Variants in KCNU1 observed in about 807,000 individuals in gnomAD.
KCNU1 encodes potassium calcium-activated channel subfamily U member 1.
KCNU1 carries 93 observed loss-of-function variants against 126.8 expected under a neutral mutation model. The observed-to-expected ratio is 0.73, with a 90% CI of 0.62 to 0.87. The LOEUF is 0.87. KCNU1 is among the 40% of genes least tolerant of loss of function. KCNU1 has a pLI of 0.00. For missense variants in KCNU1, 1,330 were observed against 1,367.1 expected, an observed-to-expected ratio of 0.97 and a Z score of 0.43; for synonymous variants, 523 against 494.2, an observed-to-expected ratio of 1.06 and a Z score of -0.77.
intron 19 of KCNU1, among the ~76,000 whole-genome samples, chr8:36,886,523 A>C (rs1356521927): frequency 6.6e-6 from 1 of 152,148 alleles, no homozygotes; most frequent in Non-Finnish European, 1.5e-5. Context: ...TTCAAAGGAG[A>C]AGGGGTTGAG....
intron 10 of KCNU1, among the ~76,000 whole-genome samples, chr8:36,819,662 A>G (rs1164578454): frequency 1.3e-5 from 2 of 151,772 alleles, no homozygotes; most frequent in African/African-American, 2.4e-5. Context: ...CATCCTTCCC[A>G]CTCAGAGAGA....
intron 19 of KCNU1, among the ~76,000 whole-genome samples, chr8:36,877,518 G>A (rs1185548406): frequency 1.3e-5 from 2 of 151,968 alleles, no homozygotes; most frequent in Non-Finnish European, 2.9e-5. Context: ...GGCCAGGCTG[G>A]TCTCAAACTT....
At position 36,921,924 on chromosome 8, in the gene KCNU1, C is replaced by A. The variant is rs1252432165; in HGVS notation, c.2597-566C>A. Among the ~76,000 whole-genome samples the A allele has an allele frequency of 2.0e-5, 3 of 152,098 alleles. No homozygotes were observed. In the East Asian group the frequency reaches 5.8e-4, roughly 29 times the overall value. ...GCAGCATCTGGGAACTGGCTGGGCA[C>A]GTAGACTCTCAGCCCTCACCCTAGA... On this transcript the variant is annotated intron_variant, in intron 23 of 26. Transcript: ENST00000399881.
At chr8:36,790,668 C>G (rs1367148202) in intron 2 of KCNU1, among the ~76,000 whole-genome samples, 1 of 151,946 alleles carries the variant, frequency 6.6e-6, no homozygotes, top group Non-Finnish European at 1.5e-5. Flanking sequence ...CTGGATAAAA[C>G]AAAGTTGTCA....
intron 10 of KCNU1, among the ~76,000 whole-genome samples, chr8:36,824,724 C>A (rs1322520734): frequency 6.6e-6 from 1 of 151,846 alleles, no homozygotes; most frequent in African/African-American, 2.4e-5. Flanking sequence ...TTCCCTTTTC[C>A]TGTTTTTTTA....
chr8:36,882,039 G>A (rs903520675), intron 19 of KCNU1, among the ~76,000 whole-genome samples: 2 of 152,102 alleles, frequency 1.3e-5, no homozygotes, highest in African/African-American at 4.8e-5. Context: ...TACCTTACTA[G>A]GAGCGATTTG....
Position 36,814,280 on chromosome 8 carries a change from T to C in KCNU1, c.806T>C (p.Leu269Pro). 3.1e-6 allele frequency: 5 copies of C among 1,613,196 alleles called. No homozygotes were observed. Among genetic ancestry groups the C allele is most frequent in the Non-Finnish European group, 4.2e-6 (5 of 1,179,388 alleles). Residue 269 changes from leucine to proline, a missense_variant, in exon 8 of 27, where the codon CTG (leucine) becomes CCG (proline). By Grantham distance (98) the Leu-to-Pro change is moderately conservative. Transcript: ENST00000399881. The part of the protein sequence containing the change: ...QNISYFESIY[L>P]VMATTSTVGF... Reference sequence around the variant, plus strand: ...ATATCATATTTTGAGTCAATTTACCTGGTCATGGCAACAACGTCAACCGTT... The same window carrying C: ...ATATCATATTTTGAGTCAATTTACCCGGTCATGGCAACAACGTCAACCGTT...
In KCNU1 at chr8:36,809,793, T is replaced by G. The variant is rs571698240; in HGVS notation, c.732+1000T>G. On this transcript the variant is annotated intron_variant, in intron 7 of 26. Coordinates refer to ENST00000399881, the MANE Select transcript of KCNU1 (RefSeq NM_001031836.3). ...AAAAGTCATTAGGACTTTTTTTTCTTTTTCCTTTAATAGCTGTTTCAATGA... is the reference window on the plus strand; with the variant it reads ...AAAAGTCATTAGGACTTTTTTTTCTGTTTCCTTTAATAGCTGTTTCAATGA... 1.1e-4 allele frequency among the ~76,000 whole-genome samples: 17 copies of G among 152,324 alleles called. 3 individuals carry two copies. The highest frequency in any genetic ancestry group is 4.1e-4 in the African/African-American group (17 of 41,564).
At chr8:36,917,249 T>G (rs1460340142) in intron 22 of KCNU1, among the ~76,000 whole-genome samples, 1 of 152,234 alleles carries the variant, frequency 6.6e-6, no homozygotes, top group Non-Finnish European at 1.5e-5. Flanking sequence ...CAGAAAACTT[T>G]AAGAAAGTAA....
chr8:36,884,228 T>C (rs1001761709), intron 19 of KCNU1, among the ~76,000 whole-genome samples: 1 of 152,210 alleles, frequency 6.6e-6, no homozygotes, highest in African/African-American at 2.4e-5. Context: ...CTATTTATAA[T>C]TTGGTCAGCT....
intron 19 of KCNU1, among the ~76,000 whole-genome samples, chr8:36,892,459 C>T (rs183608375): frequency 1.3e-5 from 2 of 151,866 alleles, no homozygotes; most frequent in African/African-American, 4.8e-5. Context: ...AAAGTCTGGG[C>T]TTCCTTCCGG....
intron 24 of KCNU1, 27 bp downstream of exon 24, chr8:36,922,656 C>T (rs207469071): frequency 6.2e-7 from 1 of 1,606,096 alleles, no homozygotes; most frequent in East Asian, 2.2e-5. Context: ...CATGGAGCCC[C>T]CAAAACCAAG....
intron 14 of KCNU1, among the ~76,000 whole-genome samples, chr8:36,837,452 C>T (rs551139190): frequency 6.6e-6 from 1 of 152,054 alleles, no homozygotes; most frequent in East Asian, 1.9e-4. Context: ...TAACAGTAAC[C>T]ACATGATGAG....
intron 19 of KCNU1, among the ~76,000 whole-genome samples, chr8:36,875,531 T>G (rs1293777009): frequency 6.6e-6 from 1 of 151,720 alleles, no homozygotes; most frequent in Non-Finnish European, 1.5e-5. Flanking sequence ...TGGCAAAGTT[T>G]ACAGACTTTG....
At position 36,931,065 on chromosome 8, in the gene KCNU1, T is replaced by C. The variant is rs1808687598; in HGVS notation, c.2851T>C (p.Cys951Arg). ...TAAAGTCTATGGTGTGGCAGATAGC[T>C]GCACGTCGCTCTTGTCTGGAAGAAA... ...KDKVYGVADS[C>R]TSLLSGRNRC... The change falls in exon 25 of 27, where the codon TGC becomes CGC. Residue 951 changes from cysteine (C) to arginine (R), a missense_variant. Physicochemically the swap from Cys to Arg is radical, Grantham distance 180. This residue lies in a region of KCNU1 where 1,054 missense variants were observed against 1,053.9 expected (regional missense o/e 1.00). Coordinates refer to ENST00000399881, the MANE Select transcript of KCNU1 (RefSeq NM_001031836.3). 6.2e-7 allele frequency: 1 copy of C among 1,611,792 alleles called. No homozygotes were observed. Among genetic ancestry groups the C allele is most frequent in the Non-Finnish European group, 8.5e-7 (1 of 1,178,774 alleles).
chr8:36,845,976 C>A, intron 18 of KCNU1, 77 bp downstream of exon 18: 1 of 846,720 alleles, frequency 1.2e-6, no homozygotes, highest in Non-Finnish European at 1.9e-6. Flanking sequence ...AGGGTTCCAT[C>A]TCTTAAAAGG....
intron 2 of KCNU1, among the ~76,000 whole-genome samples, chr8:36,793,718 A>C (rs916842481): frequency 1.3e-5 from 2 of 152,146 alleles, no homozygotes; most frequent in African/African-American, 4.8e-5. Flanking sequence ...GATTTCTGCT[A>C]GTTGTCCTAG....
chr8:36,845,128 A>G (rs1450032315), intron 16 of KCNU1, among the ~76,000 whole-genome samples: 1 of 152,192 alleles, frequency 6.6e-6, no homozygotes, highest in Non-Finnish European at 1.5e-5. Flanking sequence ...AATAGAAGAA[A>G]CTTTTGAATC....
chr8:36,818,776 T>C (rs1395048479), intron 10 of KCNU1, among the ~76,000 whole-genome samples: 1 of 152,192 alleles, frequency 6.6e-6, no homozygotes, highest in Non-Finnish European at 1.5e-5. Flanking sequence ...TATGACATGT[T>C]CAATTCACCA....
Sources: gnomAD v4.1 joint callset for allele counts (sites outside exome capture counted in the v4.1 genomes callset) on GRCh38, gnomAD v4.1.1 for gene constraint, gnomAD v4.1.1 regional missense constraint, MANE v1.5 for transcripts, NCBI Gene and HGNC (gene_info 2026-07-23, HGNC 2026-07-21) for gene names.